Variants in ARK2N observed in about 807,000 individuals in gnomAD.
ARK2N encodes the protein arkadia (RNF111) N-terminal like PKA signaling regulator 2N.
the ARK2N span, among the ~76,000 whole-genome samples, chr18:46,222,524 A>G: frequency 2.6e-5 from 4 of 152,126 alleles, no homozygotes; most frequent in Admixed American, 6.6e-5. Context: ...TCCTTTGGCA[A>G]TTTCTCATGT....
the ARK2N span, among the ~76,000 whole-genome samples, chr18:46,225,709 C>T: frequency 1.3e-5 from 2 of 152,146 alleles, no homozygotes; most frequent in Non-Finnish European, 2.9e-5. Flanking sequence ...CTCCGCCCAC[C>T]TTAGCCTCCC....
the ARK2N span, among the ~76,000 whole-genome samples, chr18:46,251,030 A>C: frequency 2.0e-5 from 3 of 152,222 alleles, no homozygotes; most frequent in Non-Finnish European, 4.4e-5. Context: ...TTGAGGGTAG[A>C]GACTATGCCT....
At chr18:46,224,089 A>G in the ARK2N span, among the ~76,000 whole-genome samples, 6 of 152,206 alleles carry the variant, frequency 3.9e-5, no homozygotes, top group Admixed American at 6.5e-5. Context: ...CTGGACCACT[A>G]TGCTACTGGG....
chr18:46,175,644 G>T, the ARK2N span, among the ~76,000 whole-genome samples: 3 of 151,176 alleles, frequency 2.0e-5, no homozygotes, highest in Non-Finnish European at 4.4e-5. Context: ...CTGGGATTAC[G>T]GGCACGCGCC....
chr18:46,265,213 A>G, the ARK2N span: 3 of 152,664 alleles, frequency 2.0e-5, no homozygotes, highest in East Asian at 5.8e-4. Context: ...TAGAGAAGAG[A>G]ATAGAGTGGA....
At chr18:46,261,304 C>T in the ARK2N span, among the ~76,000 whole-genome samples, 2 of 152,208 alleles carry the variant, frequency 1.3e-5, no homozygotes, top group Non-Finnish European at 2.9e-5. Context: ...CTTGGCCTAT[C>T]ACTTTCAAGC....
chr18:46,242,786 T>G, the ARK2N span, among the ~76,000 whole-genome samples: 1 of 152,244 alleles, frequency 6.6e-6, no homozygotes, highest in Non-Finnish European at 1.5e-5. Flanking sequence ...TGGCTCTAGT[T>G]CATTCATTTT....
the ARK2N span, among the ~76,000 whole-genome samples, chr18:46,201,104 G>A: frequency 2.7e-5 from 4 of 150,360 alleles, no homozygotes; most frequent in East Asian, 2.0e-4. Context: ...TCAGCCTCCC[G>A]AATAGCTGGG....
At chr18:46,263,025 G>A in the ARK2N span, 3 of 1,614,190 alleles carry the variant, frequency 1.9e-6, no homozygotes, top group Non-Finnish European at 8.5e-7. Flanking sequence ...CACAGTCATG[G>A]ACTGCTGTGA....
At chr18:46,215,680 A>T in the ARK2N span, 1 of 436,864 alleles carries the variant, frequency 2.3e-6, no homozygotes, top group South Asian at 4.8e-5. Flanking sequence ...AAACAAGCAG[A>T]TAATAATATA....
the ARK2N span, among the ~76,000 whole-genome samples, chr18:46,259,534 G>A: frequency 6.6e-6 from 1 of 151,948 alleles, no homozygotes; most frequent in South Asian, 2.1e-4. Flanking sequence ...GAGCCACCGC[G>A]CCCAGCCACT....
the ARK2N span, among the ~76,000 whole-genome samples, chr18:46,198,967 T>C: frequency 6.6e-6 from 1 of 152,176 alleles, no homozygotes; most frequent in Non-Finnish European, 1.5e-5. Context: ...TCATAGTCCT[T>C]TTGTAGCTTA....
the ARK2N span, among the ~76,000 whole-genome samples, chr18:46,221,343 C>G: frequency 6.7e-6 from 1 of 148,474 alleles, no homozygotes; most frequent in Non-Finnish European, 1.5e-5. Context: ...GTCAGGAGTT[C>G]GAGACCAGCC....
At chr18:46,253,573 C>G in the ARK2N span, 1 of 1,211,376 alleles carries the variant, frequency 8.3e-7, no homozygotes, top group South Asian at 1.6e-5. Context: ...CTGTGGCAAG[C>G]TCTCACAGGG....
the ARK2N span, chr18:46,232,154 T>C: frequency 1.3e-5 from 2 of 152,238 alleles, no homozygotes; most frequent in Non-Finnish European, 2.9e-5. Context: ...TAAATTGATA[T>C]TACTGGTAAT....
the ARK2N span, chr18:46,253,741 G>A: frequency 6.5e-6 from 10 of 1,540,522 alleles, no homozygotes; most frequent in African/African-American, 1.1e-4. Context: ...AACATCTGCT[G>A]GCAATGCGCC....
At chr18:46,179,705 A>G in the ARK2N span, among the ~76,000 whole-genome samples, 1 of 149,470 alleles carries the variant, frequency 6.7e-6, no homozygotes, top group Non-Finnish European at 1.5e-5. Flanking sequence ...CGCTCACCGC[A>G]ACCTCCGCCT....
At chr18:46,174,978 T>C in the ARK2N span, among the ~76,000 whole-genome samples, 2 of 152,224 alleles carry the variant, frequency 1.3e-5, no homozygotes, top group African/African-American at 2.4e-5. Flanking sequence ...GAGAGATGTG[T>C]CAGTCTCCAA....
the ARK2N span, chr18:46,218,828 G>C: frequency 6.6e-6 from 1 of 152,176 alleles, no homozygotes; most frequent in African/African-American, 2.4e-5. Flanking sequence ...TGGACATTCA[G>C]GTGAACTTAA....
Sources: allele counts gnomAD v4.1 joint callset (sites outside exome capture counted in the v4.1 genomes callset), GRCh38; gene constraint gnomAD v4.1.1; transcripts MANE v1.5; gene names NCBI Gene and HGNC (gene_info 2026-07-23, HGNC 2026-07-21).